AFAP1L2: variants seen among roughly 807,000 people sequenced by gnomAD.
AFAP1L2 encodes the protein actin filament-associated protein 1-like 2.
A neutral mutation model predicts 99.3 loss-of-function variants in AFAP1L2; 46 were observed. The observed-to-expected ratio is 0.46, with a 90% CI of 0.37 to 0.59. AFAP1L2 has a LOEUF of 0.59. Among genes scored for constraint, AFAP1L2 ranks in the 20% least tolerant of loss-of-function variants. The probability of loss-of-function intolerance (pLI) is 0.00; values close to 1 mark genes in which losing one functional copy is unlikely to be tolerated. For missense variants in AFAP1L2, 959 were observed against 1,034.9 expected (o/e 0.93, Z 1.01); for synonymous variants, 397 against 419.1 (o/e 0.95, Z 0.64).
chr10:114,385,678 C>A lies in AFAP1L2; in HGVS notation c.16+18762G>T, dbSNP rs117920220. ...CCACACCCCATTGTGATTCTGCCAG[C>A]CTGTAATAAAATGAAAGTGTCTGAC... On this transcript the variant is annotated intron_variant, in intron 1 of 18. Coordinates refer to ENST00000304129, the MANE Select transcript of AFAP1L2 (RefSeq NM_001001936.3). 3.6e-3 allele frequency among the ~76,000 whole-genome samples: 542 copies of A among 152,258 alleles called. 2 individuals are homozygous for A. Among genetic ancestry groups the A allele is most frequent in the Non-Finnish European group, 6.1e-3 (413 of 68,022 alleles).
intron 1 of AFAP1L2, chr10:114,398,768 A>G: frequency 1.6e-6 from 2 of 1,220,280 alleles, no homozygotes; most frequent in Non-Finnish European, 2.2e-6. Context: ...CACCCAGAGC[A>G]TGGGCAGAGC....
intron 4 of AFAP1L2, among the ~76,000 whole-genome samples, chr10:114,325,163 C>T (rs764334427): frequency 1.3e-5 from 2 of 152,208 alleles, no homozygotes; most frequent in Non-Finnish European, 2.9e-5. Context: ...CTCTCTGAGC[C>T]TTGCTTTCCT....
intron 1 of AFAP1L2, among the ~76,000 whole-genome samples, chr10:114,387,090 T>C (rs1382648531): frequency 2.0e-5 from 3 of 152,230 alleles, no homozygotes; most frequent in Non-Finnish European, 4.4e-5. Flanking sequence ...CTTCTGGCCA[T>C]AAATACTCTA....
intron 9 of AFAP1L2, 26 bp downstream of exon 9, chr10:114,308,407 T>C (rs776194238): frequency 6.2e-7 from 1 of 1,603,274 alleles, no homozygotes; most frequent in East Asian, 2.2e-5. Context: ...TGGGACACCA[T>C]TCCCCTCCCA....
In AFAP1L2 at chr10:114,295,396, A is replaced by C. The variant is rs2040049414; in HGVS notation, c.*646T>G. 1.0e-6 allele frequency: 1 copy of C among 985,680 alleles called. No homozygotes were observed. The highest frequency in any genetic ancestry group is 1.2e-6 in the Non-Finnish European group (1 of 829,892). The allele number at this position is 985,680 out of a possible 1,614,324, so 61.1% of individuals were successfully genotyped here. ...TTCAGGCCTGCCTTGGACTGGAAAG[A>C]AGTCTTTAACTTAGTGGGATTAGTG... is the stretch of plus-strand genomic sequence containing the variant. On this transcript the variant is annotated 3_prime_UTR_variant, in exon 19 of 19. Transcript: ENST00000304129.
intron 4 of AFAP1L2, among the ~76,000 whole-genome samples, chr10:114,324,294 A>C (rs1001725591): frequency 6.6e-6 from 1 of 151,546 alleles, no homozygotes; most frequent in Non-Finnish European, 1.5e-5. Context: ...CCCAGGCTGG[A>C]GTGCAATGGT....
intron 1 of AFAP1L2, among the ~76,000 whole-genome samples, chr10:114,346,206 A>G (rs1255887148): frequency 6.6e-6 from 1 of 152,148 alleles, no homozygotes; most frequent in African/African-American, 2.4e-5. Context: ...GATCCATATC[A>G]TTGTTCCAGG....
At position 114,307,846 on chromosome 10, in the gene AFAP1L2, G is replaced by A; in HGVS notation, c.1031C>T (p.Ser344Phe). 6.2e-7 allele frequency: 1 copy of A among 1,614,118 alleles called. No individual in the cohort carries two copies. Among genetic ancestry groups the A allele is most frequent in the Non-Finnish European group, 8.5e-7 (1 of 1,180,004 alleles). Residue 344 changes from serine to phenylalanine, a missense_variant, in exon 10 of 19, where the codon TCC becomes TTC. Physicochemically the swap from Ser to Phe is radical, Grantham distance 155 (BLOSUM62 -2). Around this residue, in one of 2 missense-constraint regions of AFAP1L2, gnomAD observed 383 missense variants for 472.8 expected, o/e 0.81. Transcript: ENST00000304129. ...CCTCTCCACAGGCTCCAGTGAGGTG[G>A]ATTTCTTCCTGCCCAGATTCATTAG... ...SNLMNLGRKK[S>F]TSLEPVERSL...
intron 1 of AFAP1L2, among the ~76,000 whole-genome samples, chr10:114,356,858 G>A (rs2051463577): frequency 6.6e-6 from 1 of 152,134 alleles, no homozygotes; most frequent in African/African-American, 2.4e-5. Context: ...TACATGTGTT[G>A]GTCATGATTT....
intron 5 of AFAP1L2, 38 bp from the exon 6 acceptor site, chr10:114,315,803 C>T (rs746541615): frequency 6.3e-7 from 1 of 1,576,946 alleles, no homozygotes; most frequent in South Asian, 1.1e-5. Flanking sequence ...CCCCATGGGG[C>T]AGGGGACAGT....
At position 114,300,267 on chromosome 10, in the gene AFAP1L2, G is replaced by A; in HGVS notation, c.1884C>T (p.Cys628=). The A allele has an allele frequency of 1.2e-6, 2 of 1,614,152 alleles. No homozygotes were observed. Among genetic ancestry groups the A allele is most frequent in the South Asian group, 2.2e-5 (2 of 91,072 alleles). The change falls in exon 15 of 19, where the codon TGC becomes TGT. Residue 628 remains cysteine (C), a synonymous_variant. Coordinates refer to ENST00000304129, the MANE Select transcript of AFAP1L2 (RefSeq NM_001001936.3). ...GTGGGGTGGCCACCACGGCATCCGG[G>A]CAGCTCGGTGGGAAGGAGATTCTCT... ...EQQRISFPPS[C]PDAVVATPPG...
At chr10:114,375,007 C>CT (rs2054614654) in intron 1 of AFAP1L2, among the ~76,000 whole-genome samples, 1 of 152,164 alleles carries the variant, frequency 6.6e-6, no homozygotes, top group Non-Finnish European at 1.5e-5. Flanking sequence ...TCAGGCATTA[C>CT]TCGGGGCTAC....
chr10:114,354,055 C>T (rs1164124727), intron 1 of AFAP1L2, among the ~76,000 whole-genome samples: 1 of 152,172 alleles, frequency 6.6e-6, no homozygotes, highest in Non-Finnish European at 1.5e-5. Flanking sequence ...TGGAGCACGA[C>T]CGCTGTGGAA....
rs370481658 is a variant in AFAP1L2 at position 114,302,315 on chromosome 10, G to A, written c.1430+24C>T. ...CATGGCCAGGAATAAGAGAGTGTAC[G>A]GAGGAAGGGTCCAAATTACTCACAA... On this transcript the variant is annotated intron_variant, in intron 12 of 18. Transcript: ENST00000304129. The A allele has an allele frequency of 3.2e-4, 518 of 1,613,890 alleles. 1 individual carries two copies. Among genetic ancestry groups the A allele is most frequent in the Non-Finnish European group, 4.0e-4 (477 of 1,179,942 alleles).
intron 1 of AFAP1L2, among the ~76,000 whole-genome samples, chr10:114,368,338 T>C (rs1039432677): frequency 1.1e-4 from 17 of 152,168 alleles, no homozygotes; most frequent in South Asian, 6.2e-4. Context: ...AGTTATAAGA[T>C]GGATAAGGTC....
At chr10:114,293,688 G>C (rs1174798460), downstream of AFAP1L2, among the ~76,000 whole-genome samples, 1 of 151,958 alleles carries the variant, frequency 6.6e-6, no homozygotes, top group Non-Finnish European at 1.5e-5. Flanking sequence ...TTGCATATAG[G>C]CCATAAATTT....
intron 1 of AFAP1L2, among the ~76,000 whole-genome samples, chr10:114,402,965 A>T (rs1221814294): frequency 1.3e-5 from 2 of 152,178 alleles, no homozygotes; most frequent in African/African-American, 4.8e-5. Flanking sequence ...TCCCTCCCGA[A>T]GGGCGGAGGG....
At chr10:114,334,785 T>C (rs1212436337) in intron 2 of AFAP1L2, among the ~76,000 whole-genome samples, 2 of 152,164 alleles carry the variant, frequency 1.3e-5, no homozygotes, top group East Asian at 1.9e-4. Context: ...CTCCAGCACA[T>C]GGCAGAGGGG....
chr10:114,284,971 G>T, the AFAP1L2 span: 12 of 1,593,388 alleles, frequency 7.5e-6, no homozygotes, highest in South Asian at 3.4e-5. Context: ...GCTAACTGTG[G>T]TAGGTATGCA....
Sources: allele counts gnomAD v4.1 joint callset (sites outside exome capture counted in the v4.1 genomes callset), GRCh38; gene constraint gnomAD v4.1.1; regional missense constraint gnomAD v4.1.1; transcripts MANE v1.5; gene names NCBI Gene and HGNC (gene_info 2026-07-23, HGNC 2026-07-21).